The following NWD2 variants were observed in gnomAD, a reference collection of about 807,000 sequenced individuals.
The protein encoded by NWD2 is NACHT and WD repeat domain containing 2.
NWD2 carries 37 observed loss-of-function variants against 132.7 expected under a neutral mutation model. The observed-to-expected ratio is 0.28, with a 90% CI of 0.21 to 0.37. The LOEUF (loss-of-function observed/expected upper bound fraction) is 0.37. Among genes scored for constraint, NWD2 ranks in the 10% least tolerant of loss-of-function variants. NWD2 has a pLI of 1.00. For missense variants in NWD2, 1,592 were observed against 2,122.4 expected, an observed-to-expected ratio of 0.75 and a Z score of 4.91; for synonymous variants, 705 against 803.0, an observed-to-expected ratio of 0.88 and a Z score of 2.06.
chr4:37,290,625 C>T (rs947095726), intron 1 of NWD2, among the ~76,000 whole-genome samples: 1 of 152,104 alleles, frequency 6.6e-6, no homozygotes, highest in African/African-American at 2.4e-5. Flanking sequence ...GTAGTTAGAC[C>T]ACAGATGTGT....
chr4:37,260,594 C>G (rs1717609871), intron 1 of NWD2, among the ~76,000 whole-genome samples: 1 of 152,108 alleles, frequency 6.6e-6, no homozygotes, highest in Admixed American at 6.6e-5. Context: ...TACATGTAAA[C>G]TATTTATTAT....
At chr4:37,290,400 C>T (rs1041930284) in intron 1 of NWD2, among the ~76,000 whole-genome samples, 16 of 152,272 alleles carry the variant, frequency 1.1e-4, no homozygotes, top group South Asian at 2.1e-4. Flanking sequence ...GGTTCCTGCC[C>T]TCAAGAGCTT....
At chr4:37,291,777 C>T (rs1317482977) in intron 1 of NWD2, among the ~76,000 whole-genome samples, 1 of 151,904 alleles carries the variant, frequency 6.6e-6, no homozygotes, top group African/African-American at 2.4e-5. Context: ...GATAACTCAC[C>T]TTTTCAATAA....
Position 37,439,131 on chromosome 4 carries a change from T to G in NWD2, c.1037T>G (p.Phe346Cys). 2 of 1,551,678 alleles carry G rather than the reference T, an allele frequency of 1.3e-6. No homozygotes were observed. Among genetic ancestry groups the G allele is most frequent in the Non-Finnish European group, 1.7e-6 (2 of 1,146,966 alleles). The change falls in exon 6 of 7, where the codon TTT becomes TGT. Residue 346 changes from phenylalanine to cysteine, a missense_variant. By Grantham distance (205) the Phe-to-Cys change is radical. Around this residue, in one of 7 missense-constraint regions of NWD2, gnomAD observed 1,071 missense variants for 1,398.0 expected, o/e 0.77. Coordinates refer to ENST00000309447, the MANE Select transcript of NWD2 (RefSeq NM_001144990.2). The surrounding 1 kb of genome is among the most constrained non-coding windows in gnomAD (Gnocchi z 4.5). ...TACATCGAAGGACTTGGTAAACAAT[T>G]TTATGAGGACATGATTGATATAATT... Reference protein sequence around the residue: ...NHYIEGLGKQFYEDMIDIIQA... With the variant: ...NHYIEGLGKQCYEDMIDIIQA...
At chr4:37,293,888 A>T (rs902401617) in intron 1 of NWD2, among the ~76,000 whole-genome samples, 2 of 58,210 alleles carry the variant, frequency 3.4e-5, no homozygotes, top group African/African-American at 1.0e-4. Context: ...CTGCATTTAA[A>T]AAAAAAAAAA....
intron 1 of NWD2, among the ~76,000 whole-genome samples, chr4:37,282,587 C>T (rs1184026968): frequency 3.3e-5 from 5 of 152,146 alleles, no homozygotes; most frequent in Non-Finnish European, 4.4e-5. Context: ...AACCACAGTT[C>T]CATCACTCAT....
intron 2 of NWD2, among the ~76,000 whole-genome samples, chr4:37,352,258 G>C (rs780683926): frequency 2.0e-5 from 3 of 152,230 alleles, no homozygotes; most frequent in Non-Finnish European, 4.4e-5. Context: ...TTGTTCATCT[G>C]TCTAATATTG....
At chr4:37,420,188 T>C (rs1438262571) in intron 3 of NWD2, among the ~76,000 whole-genome samples, 1 of 152,248 alleles carries the variant, frequency 6.6e-6, no homozygotes, top group East Asian at 1.9e-4. Context: ...CTTTGTCCAT[T>C]GTTCCATTGC....
intron 3 of NWD2, among the ~76,000 whole-genome samples, chr4:37,428,498 G>T (rs1055603432): frequency 6.6e-6 from 1 of 152,218 alleles, no homozygotes; most frequent in African/African-American, 2.4e-5. Context: ...TAAGCTAATA[G>T]TTTTATTAGC....
At chr4:37,440,203 C>T (rs991895032) in intron 6 of NWD2, among the ~76,000 whole-genome samples, 1 of 152,178 alleles carries the variant, frequency 6.6e-6, no homozygotes, top group Non-Finnish European at 1.5e-5. Flanking sequence ...AGCTCCTAGA[C>T]ATCCAGCAAT....
intron 2 of NWD2, among the ~76,000 whole-genome samples, chr4:37,345,016 G>T (rs192577295): frequency 6.6e-6 from 1 of 152,120 alleles, no homozygotes; most frequent in Non-Finnish European, 1.5e-5. Context: ...TGCTTTCAAG[G>T]TTCATCCATG....
chr4:37,341,353 T>A (rs578054248), intron 2 of NWD2, among the ~76,000 whole-genome samples: 2 of 152,346 alleles, frequency 1.3e-5, no homozygotes, highest in South Asian at 4.1e-4. Flanking sequence ...GACAACAGGT[T>A]TATCAGGATA....
chr4:37,445,867 A>C lies in NWD2; in HGVS notation c.3879A>C (p.Ser1293=). 6.4e-7 allele frequency: 1 copy of C among 1,552,054 alleles called. No individual in the cohort carries two copies. The change falls in exon 7 of 7, where the codon TCA becomes TCC. Residue 1293 remains serine, a synonymous_variant. Coordinates refer to ENST00000309447, the MANE Select transcript of NWD2 (RefSeq NM_001144990.2). This position sits in a 1 kb window ranked among gnomAD's most constrained non-coding sequence, Gnocchi z 4.7. ...ACCACAATATGCTACTGTCTTTATC[A>C]ACCAGTGGTGTTCTTTCCATTTGGG... ...SSHHNMLLSL[S]TSGVLSIWDI...
intron 3 of NWD2, among the ~76,000 whole-genome samples, chr4:37,358,355 G>A (rs1719911834): frequency 6.7e-6 from 1 of 149,882 alleles, no homozygotes; most frequent in African/African-American, 2.5e-5. Flanking sequence ...TGGTTTGGGG[G>A]GGTTGGGGGA....
Position 37,359,055 on chromosome 4 carries a change from A to G in NWD2, c.357+2573A>G, listed in dbSNP as rs187696111. Among the ~76,000 whole-genome samples the G allele has an allele frequency of 2.0e-3, 305 of 152,248 alleles. 1 individual carries two copies. The highest frequency in any genetic ancestry group is 7.1e-3 in the African/African-American group (293 of 41,530). On this transcript the variant is annotated intron_variant, in intron 3 of 6. Coordinates refer to ENST00000309447, the MANE Select transcript of NWD2 (RefSeq NM_001144990.2). Reference sequence around the variant, plus strand: ...CGTAATCCAGCCTTGGAAATTCAGGAATGAGAGAGATGTTCTCCCCCTTTT... The same window carrying G: ...CGTAATCCAGCCTTGGAAATTCAGGGATGAGAGAGATGTTCTCCCCCTTTT...
intron 1 of NWD2, among the ~76,000 whole-genome samples, chr4:37,275,026 G>A (rs1354242638): frequency 6.6e-6 from 1 of 152,140 alleles, no homozygotes; most frequent in Non-Finnish European, 1.5e-5. Context: ...GCACAAGACA[G>A]GGATGCCCTC....
chr4:37,300,023 G>A (rs183863915), intron 1 of NWD2, among the ~76,000 whole-genome samples: 2 of 152,066 alleles, frequency 1.3e-5, no homozygotes, highest in East Asian at 1.9e-4. Context: ...AAGCCTTCCC[G>A]CTTTGTTCAT....
intron 1 of NWD2, among the ~76,000 whole-genome samples, chr4:37,267,385 T>C (rs1717776180): frequency 7.2e-5 from 11 of 151,800 alleles, no homozygotes; most frequent in Admixed American, 7.2e-4. Context: ...GAGAAGAGAG[T>C]GCTGAGGAGG....
intron 3 of NWD2, among the ~76,000 whole-genome samples, chr4:37,380,872 A>G (rs553312494): frequency 9.8e-5 from 15 of 152,308 alleles, no homozygotes; most frequent in African/African-American, 3.4e-4. Flanking sequence ...CGTTCCCCCC[A>G]GTCTTGATGG....
Sources: gnomAD v4.1 joint callset for allele counts (sites outside exome capture counted in the v4.1 genomes callset) on GRCh38, gnomAD v4.1.1 for gene constraint, gnomAD v4.1.1 regional missense constraint, Gnocchi (gnomAD v3.1) non-coding constraint, MANE v1.5 for transcripts, NCBI Gene and HGNC (gene_info 2026-07-23, HGNC 2026-07-21) for gene names.